Variants in RBFOX1 observed in about 807,000 individuals in gnomAD.
RBFOX1 encodes RNA binding protein fox-1 homolog 1.
Under a neutral mutation model 57.7 loss-of-function variants are expected in RBFOX1, and 8 were observed. The ratio of observed to expected loss-of-function variants is 0.14; its 90% CI spans 0.08 to 0.25. The LOEUF (loss-of-function observed/expected upper bound fraction) is 0.25, where lower values mean the gene tolerates loss of function less well. Ranked by LOEUF, RBFOX1 falls within the 10% of genes least tolerant of loss-of-function variation. The pLI is 1.00. For synonymous variants in RBFOX1, 326 were observed against 222.4 expected (o/e 1.47, Z -4.15); for missense variants, 611 against 548.5 (o/e 1.11, Z -1.14).
chr16:7,597,136 CTT>C, intron 8 of RBFOX1: 1 of 386,024 alleles, frequency 2.6e-6, no homozygotes, highest in Non-Finnish European at 4.6e-6. Context: ...ATTAAACACT[CTT>C]AATGATATGA....
At chr16:6,819,601 A>G (rs1011006081) in intron 3 of RBFOX1, among the ~76,000 whole-genome samples, 2 of 147,280 alleles carry the variant, frequency 1.4e-5, no homozygotes, top group Non-Finnish European at 3.0e-5. Context: ...GCTACTCGGG[A>G]GGCTGAGGCA....
At chr16:5,627,422 T>G (rs2048378012) in intron 3 of RBFOX1, among the ~76,000 whole-genome samples, 1 of 152,092 alleles carries the variant, frequency 6.6e-6, no homozygotes, top group Admixed American at 6.5e-5. Context: ...TCTTGGGGTG[T>G]GTGTGTGTGT....
chr16:7,447,483 G>T (rs2098818223), intron 4 of RBFOX1, among the ~76,000 whole-genome samples: 1 of 150,640 alleles, frequency 6.6e-6, no homozygotes, highest in South Asian at 2.1e-4. Flanking sequence ...AATTACTAGT[G>T]CAGAGTTGCA....
intron 4 of RBFOX1, among the ~76,000 whole-genome samples, chr16:7,081,893 C>T (rs2059258967): frequency 6.6e-6 from 1 of 152,106 alleles, no homozygotes; most frequent in Non-Finnish European, 1.5e-5. Flanking sequence ...TCCTTCCAGG[C>T]AGTGGAGTTT....
intron 4 of RBFOX1, among the ~76,000 whole-genome samples, chr16:7,327,058 C>T (rs1291647921): frequency 6.6e-6 from 1 of 152,162 alleles, no homozygotes; most frequent in African/African-American, 2.4e-5. Context: ...ATGGTGTGGG[C>T]AGTCTCTGAA....
intron 5 of RBFOX1, among the ~76,000 whole-genome samples, chr16:7,539,185 A>G (rs949694086): frequency 1.3e-5 from 2 of 152,118 alleles, no homozygotes; most frequent in African/African-American, 4.8e-5. Context: ...CCACCATGAT[A>G]CTTTTTGAAG....
intron 3 of RBFOX1, among the ~76,000 whole-genome samples, chr16:5,753,639 C>G (rs1210513345): frequency 6.6e-6 from 1 of 152,128 alleles, no homozygotes; most frequent in Admixed American, 6.5e-5. Context: ...ATATTGGCAG[C>G]TAGAAATTGG....
intron 11 of RBFOX1, among the ~76,000 whole-genome samples, chr16:7,645,286 C>A (rs576339165): frequency 1.3e-5 from 2 of 152,170 alleles, no homozygotes; most frequent in South Asian, 4.1e-4. Flanking sequence ...TAACTACCAC[C>A]CATAAAAAGT....
At chr16:5,703,640 C>G (rs1199759896) in intron 3 of RBFOX1, among the ~76,000 whole-genome samples, 1 of 152,190 alleles carries the variant, frequency 6.6e-6, no homozygotes. Flanking sequence ...GGTTTCAGCT[C>G]AGCCACTGAA....
At chr16:7,272,405 G>C (rs1227313898) in intron 4 of RBFOX1, among the ~76,000 whole-genome samples, 1 of 152,090 alleles carries the variant, frequency 6.6e-6, no homozygotes, top group Non-Finnish European at 1.5e-5. Context: ...GGTTGGGCTT[G>C]AATTCCTGAC....
At chr16:5,863,302 A>G (rs749907829) in intron 3 of RBFOX1, among the ~76,000 whole-genome samples, 7 of 152,212 alleles carry the variant, frequency 4.6e-5, no homozygotes, top group Non-Finnish European at 1.0e-4. Flanking sequence ...TCCTGCTGGA[A>G]GTTTCCCACG....
At chr16:5,492,381 C>T (rs8046890) in intron 2 of RBFOX1, among the ~76,000 whole-genome samples, 2,388 of 152,226 alleles carry the variant, frequency 0.016, 62 homozygotes, top group African/African-American at 0.054. Context: ...TTAGGTGTGC[C>T]TTCAGGGAGT....
intron 2 of RBFOX1, among the ~76,000 whole-genome samples, chr16:6,562,875 T>C (rs1567693946): frequency 1.5e-5 from 1 of 67,478 alleles, no homozygotes; most frequent in African/African-American, 8.5e-5. Flanking sequence ...TTTCTTTCTT[T>C]CTTTCTTTTT....
At chr16:5,253,470 G>C (rs375312832) in intron 1 of RBFOX1, among the ~76,000 whole-genome samples, 5 of 152,032 alleles carry the variant, frequency 3.3e-5, no homozygotes, top group African/African-American at 1.2e-4. Context: ...GTGTCATTCT[G>C]GATACTTATC....
chr16:7,410,510 G>A (rs571286065), intron 4 of RBFOX1, among the ~76,000 whole-genome samples: 2 of 152,116 alleles, frequency 1.3e-5, no homozygotes, highest in South Asian at 2.1e-4. Flanking sequence ...GGAGAAACCC[G>A]GTCTCTACTA....
chr16:6,427,069 G>A (rs996558381), intron 2 of RBFOX1, among the ~76,000 whole-genome samples: 1 of 152,328 alleles, frequency 6.6e-6, no homozygotes, highest in South Asian at 2.1e-4. Context: ...ATATTATGAG[G>A]TAGGGAAGGG....
At chr16:6,751,831 T>C (rs1568461022) in intron 3 of RBFOX1, among the ~76,000 whole-genome samples, 1 of 152,314 alleles carries the variant, frequency 6.6e-6, no homozygotes, top group East Asian at 1.9e-4. Context: ...CAAAGCTGTC[T>C]CTGACCAGCT....
chr16:5,266,317 C>T (rs112632609), intron 1 of RBFOX1, among the ~76,000 whole-genome samples: 26 of 152,066 alleles, frequency 1.7e-4, no homozygotes, highest in African/African-American at 4.8e-4. Context: ...ACACAACTCC[C>T]CCCAAGTACA....
chr16:7,417,376 GA>G (rs59413133), intron 4 of RBFOX1, among the ~76,000 whole-genome samples: 53 of 134,662 alleles, frequency 3.9e-4, no homozygotes, highest in South Asian at 7.0e-4. Context: ...CTGTGTCAAA[GA>G]AAAAAAAAAA....
Sources: gnomAD v4.1 joint callset for allele counts (sites outside exome capture counted in the v4.1 genomes callset) on GRCh38, gnomAD v4.1.1 for gene constraint, MANE v1.5 for transcripts, NCBI Gene and HGNC (gene_info 2026-07-23, HGNC 2026-07-21) for gene names.